Variants in P2RX6 observed in about 807,000 individuals in gnomAD.
P2RX6 encodes purinergic receptor P2X 6.
Under a neutral mutation model 54.2 loss-of-function variants are expected in P2RX6, and 62 were observed. The ratio of observed to expected loss-of-function variants is 1.14; its 90% CI spans 0.93 to 1.41. The LOEUF is 1.41. Ranked by LOEUF, P2RX6 falls within the 40% of genes most tolerant of loss-of-function variation. The probability of loss-of-function intolerance (pLI) is 0.00; values close to 1 mark genes in which losing one functional copy is unlikely to be tolerated. For synonymous variants in P2RX6, 211 were observed against 231.9 expected, an observed-to-expected ratio of 0.91 and a Z score of 0.82; for missense variants, 541 against 566.3, an observed-to-expected ratio of 0.96 and a Z score of 0.45.
At position 21,023,775 on chromosome 22, in the gene P2RX6, C is replaced by T. The variant is rs117612123; in HGVS notation, c.890+157C>T. 6.6e-3 allele frequency among the ~76,000 whole-genome samples: 1,003 copies of T among 152,276 alleles called. 7 individuals carry two copies. Among genetic ancestry groups the T allele is most frequent in the South Asian group, 0.015 (72 of 4,828 alleles). On this transcript the variant is annotated intron_variant, in intron 8 of 11. Coordinates refer to ENST00000413302, the MANE Select transcript of P2RX6 (RefSeq NM_005446.5). The stretch of plus-strand genomic sequence containing the variant: ...GAGAGAGCTGTTCTCAACCCCACAT[C>T]CTCCAGCACAGGCTCCGTCCTGCTG...
intron 1 of P2RX6, 132 bp downstream of exon 1, chr22:21,015,470 G>A (rs1297087138): frequency 3.0e-6 from 3 of 1,000,126 alleles, no homozygotes; most frequent in East Asian, 5.5e-5. Context: ...GATTGGGACG[G>A]GGTTGGGGAG....
intron 2 of P2RX6, among the ~76,000 whole-genome samples, chr22:21,017,573 G>C (rs919603126): frequency 3.9e-5 from 6 of 152,218 alleles, no homozygotes; most frequent in African/African-American, 1.4e-4. Flanking sequence ...GTTGGAGCCA[G>C]GCATGGTAGC....
intron 3 of P2RX6, among the ~76,000 whole-genome samples, chr22:21,021,170 T>G (rs529060384): frequency 6.6e-6 from 1 of 152,006 alleles, no homozygotes; most frequent in African/African-American, 2.4e-5. Context: ...AGCAATGAGG[T>G]CTTGCTTTGT....
In P2RX6 at chr22:21,023,543, G is replaced by T; in HGVS notation, c.815G>T (p.Cys272Phe). The change falls in exon 8 of 12, where the codon TGT (cysteine) becomes TTT (phenylalanine). Residue 272 changes from cysteine (C) to phenylalanine (F), a missense_variant. Around this residue, in one of 2 missense-constraint regions of P2RX6, gnomAD observed 526 missense variants for 531.5 expected, o/e 0.99. Transcript: ENST00000413302. Reference sequence around the variant, plus strand: ...GTAGGCATCAGAGTTCACTGGGATTGTGACCTGGACACCGGGGACTCTGGC... The same window carrying T: ...GTAGGCATCAGAGTTCACTGGGATTTTGACCTGGACACCGGGGACTCTGGC... ...GSVGIRVHWDCDLDTGDSGCW... is the reference protein window; with the variant it reads ...GSVGIRVHWDFDLDTGDSGCW... 1 of 1,613,812 alleles carries T rather than the reference G, an allele frequency of 6.2e-7. No individual in the cohort carries two copies. Among genetic ancestry groups the T allele is most frequent in the East Asian group, 2.2e-5 (1 of 44,876 alleles).
Position 21,022,702 on chromosome 22 carries a change from C to T in P2RX6, c.414C>T (p.Cys138=), listed in dbSNP as rs1441236460. 1 of 1,575,994 alleles carries T rather than the reference C, an allele frequency of 6.3e-7. No homozygotes were observed. Among genetic ancestry groups the T allele is most frequent in the Non-Finnish European group, 8.6e-7 (1 of 1,162,234 alleles). Residue 138 remains cysteine, a synonymous_variant, in exon 4 of 12, where the codon TGC becomes TGT. Coordinates refer to ENST00000413302, the MANE Select transcript of P2RX6 (RefSeq NM_005446.5). ...ACCCGTCCGTCCCACTGGCTAACTG[C>T]TGGGTCGACGAGGACTGCCCCGAAG... ...PEHPSVPLAN[C]WVDEDCPEGE...
chr22:21,022,908 T>C, intron 4 of P2RX6, 34 bp from the exon 5 acceptor site: 2 of 1,580,670 alleles, frequency 1.3e-6, no homozygotes, highest in Non-Finnish European at 1.7e-6. Flanking sequence ...CCTGCAGAGA[T>C]TTGAAGGTCT....
chr22:21,020,258 C>A (rs560346263), intron 3 of P2RX6, among the ~76,000 whole-genome samples: 11 of 152,350 alleles, frequency 7.2e-5, no homozygotes, highest in South Asian at 6.2e-4. Flanking sequence ...TCTGGCTCTT[C>A]CCATGAAACG....
chr22:21,022,893 C>G, intron 4 of P2RX6, 49 bp from the exon 5 acceptor site: 1 of 1,555,684 alleles, frequency 6.4e-7, no homozygotes, highest in African/African-American at 1.4e-5. Flanking sequence ...GAAGGCCTCC[C>G]CAGGCCTGCA....
At chr22:21,017,829 A>G (rs1569171240) in intron 2 of P2RX6, 160 bp from the exon 3 acceptor site, 3 of 698,242 alleles carry the variant, frequency 4.3e-6, no homozygotes, top group Non-Finnish European at 8.0e-6. Flanking sequence ...GGCCAGAACC[A>G]CTGCCAGCCT....
At chr22:21,023,838 C>T (rs1292040736) in intron 8 of P2RX6, among the ~76,000 whole-genome samples, 1 of 152,174 alleles carries the variant, frequency 6.6e-6, no homozygotes, top group Non-Finnish European at 1.5e-5. Context: ...CTGTCCCAGG[C>T]CCCTGCCCAG....
In P2RX6 at chr22:21,023,493, T is replaced by C; in HGVS notation, c.781-16T>C. 6.2e-7 allele frequency: 1 copy of C among 1,613,626 alleles called. No individual in the cohort carries two copies. Among genetic ancestry groups the C allele is most frequent in the Non-Finnish European group, 8.5e-7 (1 of 1,179,632 alleles). ...CGGGCCCACCCACCGGTGGAAAAGC[T>C]ATGTGCTATGTGCAGGGTGGCTCTG... On this transcript the variant is annotated splice_polypyrimidine_tract_variant and intron_variant, in intron 7 of 11. Transcript: ENST00000413302.
rs1453345994 is a variant in P2RX6 at position 21,016,107 on chromosome 22, G to T, written c.315+15G>T. 66 of 1,556,336 alleles carry T rather than the reference G, an allele frequency of 4.2e-5. No homozygotes were observed. The highest frequency in any genetic ancestry group is 5.5e-5 in the Non-Finnish European group (63 of 1,150,740). On this transcript the variant is annotated intron_variant, in intron 2 of 11. Coordinates refer to ENST00000413302, the MANE Select transcript of P2RX6 (RefSeq NM_005446.5). Reference sequence around the variant, plus strand: ...AGCCACCTCAGGTGGGGGCCCTGATGTTGCTGACGGGGGCGCAAGTCCTTT... The same window carrying T: ...AGCCACCTCAGGTGGGGGCCCTGATTTTGCTGACGGGGGCGCAAGTCCTTT...
intron 3 of P2RX6, chr22:21,018,384 C>T (rs1237801508): frequency 2.1e-5 from 8 of 375,860 alleles, no homozygotes; most frequent in Non-Finnish European, 3.1e-5. Flanking sequence ...TGTCCAGGCC[C>T]TCCCATCCTG....
chr22:21,020,429 C>G (rs1029751941), intron 3 of P2RX6, among the ~76,000 whole-genome samples: 4 of 152,064 alleles, frequency 2.6e-5, no homozygotes, highest in Non-Finnish European at 5.9e-5. Flanking sequence ...AGCCTCCCCG[C>G]TGGGCCAGGG....
chr22:21,016,117 G>A lies in P2RX6; in HGVS notation c.315+25G>A, dbSNP rs1926339128. The A allele has an allele frequency of 3.9e-6, 6 of 1,552,274 alleles. No individual in the cohort carries two copies. In the South Asian group the frequency reaches 7.1e-5, roughly 18 times the overall value. On this transcript the variant is annotated intron_variant, in intron 2 of 11. Coordinates refer to ENST00000413302, the MANE Select transcript of P2RX6 (RefSeq NM_005446.5). Reference sequence around the variant, plus strand: ...GGTGGGGGCCCTGATGTTGCTGACGGGGGCGCAAGTCCTTTCCCCACTGAC... The same window carrying A: ...GGTGGGGGCCCTGATGTTGCTGACGAGGGCGCAAGTCCTTTCCCCACTGAC...
intron 9 of P2RX6, 31 bp from the exon 10 acceptor site, chr22:21,025,980 G>T: frequency 1.3e-6 from 2 of 1,599,868 alleles, no homozygotes; most frequent in South Asian, 2.3e-5. Context: ...GACAGTCGTG[G>T]GCTGAGAGGT....
At chr22:21,015,067 C>T (rs1926093902), upstream of P2RX6, 2 of 632,000 alleles carry the variant, frequency 3.2e-6, no homozygotes, top group Non-Finnish European at 5.1e-6. Context: ...GAGGCTGGAT[C>T]TGGATCCTGC....
At position 21,022,915 on chromosome 22, in the gene P2RX6, G is replaced by A. The variant is rs377013507; in HGVS notation, c.464-27G>A. The A allele has an allele frequency of 2.7e-4, 424 of 1,593,376 alleles. 1 individual carries two copies. Among genetic ancestry groups the A allele is most frequent in the Non-Finnish European group, 3.5e-4 (402 of 1,161,432 alleles). On this transcript the variant is annotated intron_variant, in intron 4 of 11. Coordinates refer to ENST00000413302, the MANE Select transcript of P2RX6 (RefSeq NM_005446.5). ...TCCCCAGGCCTGCAGAGATTTGAAG[G>A]TCTGGAGTTCATCTTTTGTTTTCTA...
chr22:21,025,805 G>C lies in P2RX6; in HGVS notation c.891G>C (p.Arg297Ser). Residue 297 changes from arginine (R) to serine (S), a missense_variant and splice_region_variant, in exon 9 of 12, where the codon AGG (arginine) becomes AGC (serine). By Grantham distance (110) the Arg-to-Ser change is moderately radical (BLOSUM62 -1). Around this residue, in one of 2 missense-constraint regions of P2RX6, gnomAD observed 526 missense variants for 531.5 expected, o/e 0.99. Transcript: ENST00000413302. Reference sequence around the variant, plus strand: ...CCAGAGCCTTCTTTCCTGCCCACAGGACAGCCACTCACTGGTGGGAGCAAC... The same window carrying C: ...CCAGAGCCTTCTTTCCTGCCCACAGCACAGCCACTCACTGGTGGGAGCAAC... The part of the protein sequence containing the change: ...FQLQEKSYNF[R>S]TATHWWEQPG... 6.4e-7 allele frequency: 1 copy of C among 1,555,860 alleles called. No homozygotes were observed. Among genetic ancestry groups the C allele is most frequent in the Non-Finnish European group, 8.7e-7 (1 of 1,149,884 alleles).
Sources: gnomAD v4.1 joint callset for allele counts (sites outside exome capture counted in the v4.1 genomes callset) on GRCh38, gnomAD v4.1.1 for gene constraint, gnomAD v4.1.1 regional missense constraint, MANE v1.5 for transcripts, NCBI Gene and HGNC (gene_info 2026-07-23, HGNC 2026-07-21) for gene names.